STK32C: variants seen among roughly 807,000 people sequenced by gnomAD.
The protein encoded by STK32C is serine/threonine-protein kinase 32C.
In STK32C, 31 loss-of-function variants were observed where a neutral mutation model predicts 56.5. The observed-to-expected ratio is 0.55, with a 90% CI of 0.41 to 0.74. The LOEUF is 0.74. Ranked by LOEUF, STK32C falls within the 30% of genes least tolerant of loss-of-function variation. STK32C has a pLI of 0.00. For missense variants in STK32C, 544 were observed against 676.9 expected (o/e 0.80, Z 2.18); for synonymous variants, 309 against 289.4 (o/e 1.07, Z -0.69).
At position 132,207,921 on chromosome 10, in the gene STK32C, C is replaced by T. The variant is rs369185343; in HGVS notation, c.*89G>A. 5.6e-5 allele frequency: 70 copies of T among 1,241,066 alleles called. No individual in the cohort carries two copies. In the East Asian group the frequency reaches 7.2e-4, roughly 13 times the overall value. 76.9% of individuals were successfully genotyped at this position (1,241,066 alleles called of 1,614,324 possible). A position where few individuals can be genotyped will look rare whatever the true frequency, so the allele number is the denominator to read the frequency against. ...CACCGCCAGCCAGGCTGGGTGGGAA[C>T]GTGAATGCCAGGCCTCGGCCCATGG... On this transcript the variant is annotated 3_prime_UTR_variant, in exon 12 of 12. Coordinates refer to ENST00000298630, the MANE Select transcript of STK32C (RefSeq NM_173575.4).
chr10:132,226,101 C>A (rs1028076738), intron 4 of STK32C, among the ~76,000 whole-genome samples: 1 of 152,238 alleles, frequency 6.6e-6, no homozygotes, highest in African/African-American at 2.4e-5. Context: ...CTCCAAGACT[C>A]GGCCTCTAGG....
intron 1 of STK32C, among the ~76,000 whole-genome samples, chr10:132,330,127 G>A (rs1410466101): frequency 2.6e-5 from 4 of 152,166 alleles, no homozygotes; most frequent in African/African-American, 9.7e-5. Context: ...CTTGCCAAAA[G>A]GCTACCAATG....
intron 1 of STK32C, among the ~76,000 whole-genome samples, chr10:132,287,283 G>A (rs747611838): frequency 3.3e-5 from 5 of 152,006 alleles, no homozygotes; most frequent in Non-Finnish European, 7.4e-5. Context: ...ACTAGGTCAG[G>A]AGTTCAAGAC....
chr10:132,227,171 C>T (rs1030166295), intron 3 of STK32C, among the ~76,000 whole-genome samples: 44 of 152,388 alleles, frequency 2.9e-4, no homozygotes, highest in African/African-American at 1.0e-3. Context: ...AGGAAAGACA[C>T]ACCACCCTGT....
upstream of STK32C, among the ~76,000 whole-genome samples, chr10:132,310,515 T>G (rs970620437): frequency 1.3e-5 from 2 of 152,076 alleles, no homozygotes; most frequent in Non-Finnish European, 2.9e-5. The surrounding 1 kb of genome is among the most constrained non-coding windows in gnomAD (Gnocchi z 4.6). Flanking sequence ...TGGTGCCTCA[T>G]GGGAGGTAGC....
At chr10:132,289,047 T>G (rs565498844) in intron 1 of STK32C, among the ~76,000 whole-genome samples, 1 of 152,128 alleles carries the variant, frequency 6.6e-6, no homozygotes, top group Non-Finnish European at 1.5e-5. Flanking sequence ...AAAATCTCAT[T>G]TAAAGATTTA....
chr10:132,276,552 C>T (rs369952546), intron 1 of STK32C, among the ~76,000 whole-genome samples: 3 of 151,914 alleles, frequency 2.0e-5, no homozygotes, highest in Non-Finnish European at 2.9e-5. Context: ...GAAGCCAAGG[C>T]GGGAGGACTG....
intron 10 of STK32C, among the ~76,000 whole-genome samples, chr10:132,209,796 G>A (rs2062232475): frequency 6.6e-6 from 1 of 152,200 alleles, no homozygotes; most frequent in African/African-American, 2.4e-5. Flanking sequence ...GTGAGCAAAT[G>A]ACAGACCCAG....
rs2062138441 is a variant in STK32C, at chr10:132,207,561, A to C, written c.*449T>G. On this transcript the variant is annotated 3_prime_UTR_variant, in exon 12 of 12. Coordinates refer to ENST00000298630, the MANE Select transcript of STK32C (RefSeq NM_173575.4). ...TTGCTGGAGCAGTTTGAATCTCTAG[A>C]AAACATTCACCTCCCCACCCACTAC... is the stretch of plus-strand genomic sequence containing the variant. 6.2e-6 allele frequency: 1 copy of C among 160,928 alleles called. No individual in the cohort carries two copies. Among genetic ancestry groups the C allele is most frequent in the Non-Finnish European group, 1.3e-5 (1 of 74,292 alleles). 10.0% of individuals were successfully genotyped at this position (160,928 alleles called of 1,614,324 possible).
At chr10:132,254,795 C>CCT (rs1318826364) in intron 1 of STK32C, among the ~76,000 whole-genome samples, 1 of 152,110 alleles carries the variant, frequency 6.6e-6, no homozygotes, top group East Asian at 1.9e-4. Context: ...ATGCGTGCAC[C>CCT]CCACGCGAAG....
intron 1 of STK32C, among the ~76,000 whole-genome samples, chr10:132,298,998 G>A (rs1454095078): frequency 6.6e-6 from 1 of 152,214 alleles, no homozygotes; most frequent in African/African-American, 2.4e-5. Context: ...AGCATGGATA[G>A]CTAATCTACT....
rs1370729943 is a variant in STK32C, at chr10:132,307,920, G to C, written c.-87C>G. ...AGCGGCAGTGGTAGCGGGAGCGCTC[G>C]GGGCCGGCAGCGCCCGCCGTGCGCT... On this transcript the variant is annotated 5_prime_UTR_variant, in exon 1 of 12. Transcript: ENST00000298630. The surrounding 1 kb of genome is among the most constrained non-coding windows in gnomAD (Gnocchi z 4.4). 2.0e-5 allele frequency: 22 copies of C among 1,083,270 alleles called. No homozygotes were observed. The highest frequency in any genetic ancestry group is 2.2e-5 in the Non-Finnish European group (20 of 892,332). 67.1% of individuals were successfully genotyped at this position (1,083,270 alleles called of 1,614,324 possible). A position where few individuals can be genotyped will look rare whatever the true frequency, so the allele number is the denominator to read the frequency against.
chr10:132,326,901 A>C (rs2066509899), intron 1 of STK32C, among the ~76,000 whole-genome samples: 1 of 152,226 alleles, frequency 6.6e-6, no homozygotes, highest in Non-Finnish European at 1.5e-5. Flanking sequence ...TTTGGTTTAC[A>C]ATGTAGAAGA....
intron 1 of STK32C, among the ~76,000 whole-genome samples, chr10:132,273,711 G>A (rs1372411414): frequency 6.6e-6 from 1 of 152,184 alleles, no homozygotes; most frequent in African/African-American, 2.4e-5. Context: ...ACGAGTAGAT[G>A]AGAATGAACA....
intron 1 of STK32C, among the ~76,000 whole-genome samples, chr10:132,258,796 G>A (rs1286013512): frequency 3.3e-5 from 5 of 152,212 alleles, no homozygotes; most frequent in South Asian, 2.1e-4. Context: ...CCTCAGGGCC[G>A]GATGAGGATC....
At chr10:132,220,808 A>AAT (rs1486671919) in intron 10 of STK32C, among the ~76,000 whole-genome samples, 2 of 152,214 alleles carry the variant, frequency 1.3e-5, no homozygotes, top group Non-Finnish European at 2.9e-5. Flanking sequence ...CCACGACCTC[A>AAT]ATGTTAGCTC....
chr10:132,283,155 G>T (rs1263258289), intron 1 of STK32C, among the ~76,000 whole-genome samples: 2 of 152,240 alleles, frequency 1.3e-5, no homozygotes, highest in African/African-American at 2.4e-5. Context: ...CCGGGAGGCC[G>T]GCCGAGGCCC....
Position 132,208,918 on chromosome 10 carries a change from G to A in STK32C, c.1319+116C>T, listed in dbSNP as rs557735042. ...CTGCTGCTCAGAGTCCCCAAAGAGA[G>A]CAGGGCCACGCACCCCAGGCCCACA... On this transcript the variant is annotated intron_variant, in intron 11 of 11. Coordinates refer to ENST00000298630, the MANE Select transcript of STK32C (RefSeq NM_173575.4). The A allele has an allele frequency of 3.6e-5, 33 of 913,394 alleles. No homozygotes were observed. In the Admixed American group the frequency reaches 5.2e-4, roughly 14 times the overall value. 56.6% of individuals were successfully genotyped at this position (913,394 alleles called of 1,614,324 possible). A position where few individuals can be genotyped will look rare whatever the true frequency, so the allele number is the denominator to read the frequency against.
In STK32C at chr10:132,267,870, CCTGT is replaced by C. The variant is rs565474431; in HGVS notation, c.263-21919_263-21916del. The stretch of plus-strand genomic sequence containing the variant: ...ATGTGTATGCAGGTTCAGCTCTATG[CCTGT>C]CTGTGTGCATGCATGTCCCACATCG... On this transcript the variant is annotated intron_variant, in intron 1 of 11. Coordinates refer to ENST00000298630, the MANE Select transcript of STK32C (RefSeq NM_173575.4). Among the ~76,000 whole-genome samples the C allele has an allele frequency of 5.7e-3, 610 of 107,242 alleles. 1 individual carries two copies. The highest frequency in any genetic ancestry group is 6.7e-3 in the African/African-American group (177 of 26,370). 70.4% of individuals were successfully genotyped at this position (107,242 alleles called of 152,430 possible). A position where few individuals can be genotyped will look rare whatever the true frequency, so the allele number is the denominator to read the frequency against.
Sources: allele counts gnomAD v4.1 joint callset (sites outside exome capture counted in the v4.1 genomes callset), GRCh38; gene constraint gnomAD v4.1.1; non-coding constraint Gnocchi (gnomAD v3.1); transcripts MANE v1.5; gene names NCBI Gene and HGNC (gene_info 2026-07-23, HGNC 2026-07-21).